The following PDE1C variants were observed in gnomAD, a reference collection of about 807,000 sequenced individuals.
PDE1C encodes the protein phosphodiesterase 1C.
In PDE1C, 62 loss-of-function variants were observed where a neutral mutation model predicts 93.1. The observed-to-expected ratio is 0.67, with a 90% confidence interval of 0.54 to 0.82. The LOEUF (loss-of-function observed/expected upper bound fraction) is 0.82, where lower values mean the gene tolerates loss of function less well. Ranked by LOEUF, PDE1C falls within the 40% of genes least tolerant of loss-of-function variation. The probability of loss-of-function intolerance (pLI) is 0.00; values close to 1 mark genes in which losing one functional copy is unlikely to be tolerated. For synonymous variants in PDE1C, 325 were observed against 310.1 expected (o/e 1.05, Z -0.50); for missense variants, 742 against 884.6 (o/e 0.84, Z 2.04).
At chr7:31,834,006 T>C (rs1443077971) in intron 11 of PDE1C, among the ~76,000 whole-genome samples, 1 of 152,220 alleles carries the variant, frequency 6.6e-6, no homozygotes, top group South Asian at 2.1e-4. Context: ...CTTGGTGCCC[T>C]GCATCCCAGA....
At chr7:31,936,497 C>T (rs1386999191) in intron 2 of PDE1C, among the ~76,000 whole-genome samples, 1 of 151,528 alleles carries the variant, frequency 6.6e-6, no homozygotes, top group Non-Finnish European at 1.5e-5. Flanking sequence ...AGGCATCAGA[C>T]ACACATCTAT....
intron 2 of PDE1C, among the ~76,000 whole-genome samples, chr7:31,954,366 G>A (rs1377047985): frequency 3.3e-5 from 5 of 152,152 alleles, no homozygotes; most frequent in Non-Finnish European, 7.3e-5. Context: ...CCAGCTGGAA[G>A]GCCACCCACC....
At position 31,848,089 on chromosome 7, in the gene PDE1C, G is replaced by A. The variant is rs1312538267; in HGVS notation, c.859C>T (p.Pro287Ser). ...NNFHIQTRSD[P>S]AILYNDRSVL... is the part of the protein sequence containing the mutation. ...GATCTGTCATTATACAGAATAGCTG[G>A]ATCAGACCTGAACAGAAAGCCAAGC... The change falls in exon 9 of 18, where the codon CCA becomes TCA. Residue 287 changes from proline to serine, a missense_variant. Transcript: ENST00000396191. 1 of 1,612,280 alleles carries A rather than the reference G, an allele frequency of 6.2e-7. No homozygotes were observed. Among genetic ancestry groups the A allele is most frequent in the Admixed American group, 1.7e-5 (1 of 59,876 alleles).
rs10227960 is a variant in PDE1C, at chr7:31,810,565, A to G, written c.1814-1457T>C. On this transcript the variant is annotated intron_variant, in intron 15 of 17. Coordinates refer to ENST00000396191, the MANE Select transcript of PDE1C (RefSeq NM_001191057.4). ...AAATTTGCTGAATATCCCACTCACC[A>G]AATGATTGAGGATGTTTTCCAAATT... Among the ~76,000 whole-genome samples the G allele has an allele frequency of 8.6e-3, 1,312 of 152,280 alleles. 5 individuals carry two copies. The highest frequency in any genetic ancestry group is 0.013 in the Non-Finnish European group (891 of 68,022).
chr7:32,273,127 G>A (rs565921944), intron 1 of PDE1C, among the ~76,000 whole-genome samples: 3 of 152,190 alleles, frequency 2.0e-5, no homozygotes, highest in South Asian at 2.1e-4. Context: ...GGGCATACCC[G>A]GGAGGTGACT....
At chr7:31,910,573 C>T (rs962385000) in intron 2 of PDE1C, among the ~76,000 whole-genome samples, 2 of 152,188 alleles carry the variant, frequency 1.3e-5, no homozygotes, top group African/African-American at 4.8e-5. Context: ...AACTAATGAA[C>T]ATGATTTGAC....
chr7:32,297,605 C>T (rs1188669355), intron 1 of PDE1C, among the ~76,000 whole-genome samples: 1 of 152,174 alleles, frequency 6.6e-6, no homozygotes, highest in Non-Finnish European at 1.5e-5. Context: ...GCACCCACCT[C>T]TTCAAATGCT....
chr7:32,298,474 A>C (rs2128901214), intron 1 of PDE1C, among the ~76,000 whole-genome samples: 1 of 152,178 alleles, frequency 6.6e-6, no homozygotes, highest in East Asian at 2.0e-4. Flanking sequence ...GGGACAGCCC[A>C]GGGTGCGGCT....
intron 2 of PDE1C, among the ~76,000 whole-genome samples, chr7:31,905,327 T>A (rs1429159960): frequency 1.3e-5 from 2 of 152,154 alleles, no homozygotes; most frequent in Non-Finnish European, 2.9e-5. Flanking sequence ...AGACCTGGAC[T>A]TTGTTATCTT....
chr7:31,773,428 C>T (rs983399085), intron 17 of PDE1C, among the ~76,000 whole-genome samples: 1 of 151,620 alleles, frequency 6.6e-6, no homozygotes, highest in African/African-American at 2.4e-5. Flanking sequence ...ACAAGGATGC[C>T]CTCAGAAATC....
chr7:32,375,596 C>T (rs991673041), intron 1 of PDE1C, among the ~76,000 whole-genome samples: 1 of 152,214 alleles, frequency 6.6e-6, no homozygotes, highest in Non-Finnish European at 1.5e-5. Context: ...ACAGCTTCCA[C>T]ATCAAAGAAT....
chr7:31,696,822 T>C, the PDE1C span: 1 of 902,198 alleles, frequency 1.1e-6, no homozygotes, highest in East Asian at 2.7e-5. Flanking sequence ...TAATGCTTCT[T>C]ATGAAAAGTC....
At chr7:32,251,790 C>T (rs1010805540) in intron 1 of PDE1C, among the ~76,000 whole-genome samples, 2 of 152,188 alleles carry the variant, frequency 1.3e-5, no homozygotes, top group African/African-American at 4.8e-5. Context: ...CTTTGTAGCT[C>T]CCCCTTGCTT....
chr7:32,411,648 A>G (rs1785172404), intron 1 of PDE1C, among the ~76,000 whole-genome samples: 1 of 152,218 alleles, frequency 6.6e-6, no homozygotes, highest in Non-Finnish European at 1.5e-5. Flanking sequence ...TGTAGACTTC[A>G]TAAACACTGT....
intron 1 of PDE1C, among the ~76,000 whole-genome samples, chr7:32,385,711 T>G (rs907788641): frequency 6.6e-6 from 1 of 152,160 alleles, no homozygotes; most frequent in African/African-American, 2.4e-5. Flanking sequence ...AGCTAGATTA[T>G]AGTCATGTGT....
the PDE1C span, among the ~76,000 whole-genome samples, chr7:31,681,602 C>T: frequency 6.6e-6 from 1 of 152,116 alleles, no homozygotes; most frequent in African/African-American, 2.4e-5. Context: ...GATTTTTCTG[C>T]GTCTGTCTCT....
chr7:32,174,849 G>A (rs190992480), intron 2 of PDE1C, among the ~76,000 whole-genome samples: 4 of 152,116 alleles, frequency 2.6e-5, no homozygotes, highest in Admixed American at 1.3e-4. Flanking sequence ...GAATCCATAG[G>A]GTGCCATGCA....
chr7:31,653,618 G>C, the PDE1C span: 1 of 152,016 alleles, frequency 6.6e-6, no homozygotes, highest in Non-Finnish European at 1.5e-5. Context: ...GAGGTATTTA[G>C]CTTTTAAAAA....
chr7:31,643,537 G>T, the PDE1C span: 15 of 1,614,060 alleles, frequency 9.3e-6, no homozygotes, highest in Non-Finnish European at 1.3e-5. Flanking sequence ...TGCTCAGAGG[G>T]CTGTGGCCTT....
Sources: gnomAD v4.1 joint callset for allele counts (sites outside exome capture counted in the v4.1 genomes callset) on GRCh38, gnomAD v4.1.1 for gene constraint, MANE v1.5 for transcripts, NCBI Gene and HGNC (gene_info 2026-07-23, HGNC 2026-07-21) for gene names.